TSPAN5: variants seen among roughly 807,000 people sequenced by gnomAD.
TSPAN5 encodes tetraspanin-5.
A neutral mutation model predicts 37.1 loss-of-function variants in TSPAN5; 10 were observed. That is an observed-to-expected ratio of 0.27 (90% confidence interval 0.17 to 0.46). The LOEUF is 0.46. TSPAN5 is among the 20% of genes least tolerant of loss of function. The probability of loss-of-function intolerance (pLI) is 1.00; values close to 1 mark genes in which losing one functional copy is unlikely to be tolerated. For missense variants in TSPAN5, 195 were observed against 326.6 expected (o/e 0.60, Z 3.11); for synonymous variants, 110 against 118.9 (o/e 0.93, Z 0.48).
intron 1 of TSPAN5, among the ~76,000 whole-genome samples, chr4:98,556,260 A>G (rs1338069891): frequency 6.6e-6 from 1 of 152,094 alleles, no homozygotes; most frequent in African/African-American, 2.4e-5. Context: ...AGGATGACCC[A>G]TGCTTTCCTG....
chr4:98,616,841 TACTAGATA>T (rs1307826623), intron 1 of TSPAN5, among the ~76,000 whole-genome samples: 3 of 151,408 alleles, frequency 2.0e-5, no homozygotes, highest in Admixed American at 6.6e-5. Flanking sequence ...AATTCTTGAA[TACTAGATA>T]TTGAGAAGCT....
chr4:98,479,472 A>G (rs1483288368), intron 4 of TSPAN5, among the ~76,000 whole-genome samples: 2 of 152,202 alleles, frequency 1.3e-5, no homozygotes, highest in East Asian at 1.9e-4. Flanking sequence ...ATGGACGTGC[A>G]GTCAGGGAGG....
At chr4:98,498,843 T>A (rs1753275772) in intron 2 of TSPAN5, among the ~76,000 whole-genome samples, 1 of 152,152 alleles carries the variant, frequency 6.6e-6, no homozygotes. Context: ...GCCGGCTGGC[T>A]GCTCTGGTAT....
At chr4:98,604,168 C>G (rs778558662) in intron 1 of TSPAN5, among the ~76,000 whole-genome samples, 1 of 152,034 alleles carries the variant, frequency 6.6e-6, no homozygotes, top group Non-Finnish European at 1.5e-5. Flanking sequence ...TACTGCAGCA[C>G]CCAGTAAACT....
chr4:98,472,736 AG>A (rs1752616477), intron 7 of TSPAN5, 149 bp from the exon 8 acceptor site: 1 of 646,320 alleles, frequency 1.5e-6, no homozygotes, highest in East Asian at 2.8e-5. Context: ...TGTATAATTC[AG>A]GGGCTTTTAG....
intron 1 of TSPAN5, among the ~76,000 whole-genome samples, chr4:98,617,085 A>G (rs1432457864): frequency 6.6e-6 from 1 of 152,132 alleles, no homozygotes; most frequent in Admixed American, 6.5e-5. Flanking sequence ...TGGCCTCCCA[A>G]AATACTGGGA....
chr4:98,503,663 A>G (rs1412070158), intron 2 of TSPAN5, among the ~76,000 whole-genome samples: 2 of 152,180 alleles, frequency 1.3e-5, no homozygotes, highest in African/African-American at 4.8e-5. Flanking sequence ...ATACACCCCT[A>G]AGTAGCATTT....
chr4:98,577,321 T>C (rs576874870), intron 1 of TSPAN5, among the ~76,000 whole-genome samples: 2 of 152,264 alleles, frequency 1.3e-5, no homozygotes, highest in South Asian at 4.1e-4. Flanking sequence ...ACATACTGAT[T>C]TAAAATGTTT....
intron 2 of TSPAN5, among the ~76,000 whole-genome samples, chr4:98,498,626 G>T (rs1441158525): frequency 6.6e-6 from 1 of 152,150 alleles, no homozygotes; most frequent in Non-Finnish European, 1.5e-5. Context: ...GAAAGCAGTT[G>T]CTGTGCTGTG....
intron 1 of TSPAN5, among the ~76,000 whole-genome samples, chr4:98,554,466 T>C (rs2110159521): frequency 6.6e-6 from 1 of 152,332 alleles, no homozygotes; most frequent in Admixed American, 6.5e-5. Flanking sequence ...AAATCCATAA[T>C]CTAACGCGCT....
At chr4:98,638,200 G>A (rs6837563) in intron 1 of TSPAN5, among the ~76,000 whole-genome samples, 5,653 of 152,170 alleles carry the variant, frequency 0.037, 277 homozygotes, top group East Asian at 0.23. Flanking sequence ...CTGTTGCTCC[G>A]CACGCTCAAA....
chr4:98,656,417 C>G (rs960037918), intron 1 of TSPAN5, among the ~76,000 whole-genome samples: 1 of 152,170 alleles, frequency 6.6e-6, no homozygotes, highest in East Asian at 1.9e-4. Flanking sequence ...CAAAAAGAAC[C>G]AGTCCCAGTT....
chr4:98,549,334 ACT>A (rs1446731170), intron 1 of TSPAN5, among the ~76,000 whole-genome samples: 1 of 147,052 alleles, frequency 6.8e-6, no homozygotes, highest in Admixed American at 6.7e-5. Context: ...GCAGAGTCTC[ACT>A]CTGTCACCCA....
intron 1 of TSPAN5, among the ~76,000 whole-genome samples, chr4:98,628,653 C>T (rs748003562): frequency 7.6e-4 from 115 of 152,266 alleles, no homozygotes; most frequent in Non-Finnish European, 1.2e-3. Context: ...ACCCCTTTAC[C>T]ACACTCCCCA....
intron 1 of TSPAN5, among the ~76,000 whole-genome samples, chr4:98,567,706 G>A (rs1169275614): frequency 3.9e-5 from 6 of 152,188 alleles, no homozygotes; most frequent in Admixed American, 3.9e-4. Context: ...CAAAAGGAGA[G>A]AGAGGAAACC....
chr4:98,610,697 C>T (rs950822229), intron 1 of TSPAN5, among the ~76,000 whole-genome samples: 9 of 152,182 alleles, frequency 5.9e-5, no homozygotes, highest in Non-Finnish European at 1.2e-4. Flanking sequence ...TTTAGGGCTA[C>T]AGTAGGAATA....
At chr4:98,480,153 C>T (rs1372184098) in intron 4 of TSPAN5, among the ~76,000 whole-genome samples, 1 of 152,106 alleles carries the variant, frequency 6.6e-6, no homozygotes. Flanking sequence ...AGGCTGCTGG[C>T]CAGATCCCGC....
intron 1 of TSPAN5, among the ~76,000 whole-genome samples, chr4:98,577,201 CTGTT>C (rs34941723): frequency 0.034 from 5,219 of 152,300 alleles, 130 homozygotes; most frequent in Middle Eastern, 0.075. Context: ...TCTCATATTT[CTGTT>C]AACAGAGAAG....
At chr4:98,531,832 A>C (rs1160892522) in intron 1 of TSPAN5, among the ~76,000 whole-genome samples, 1 of 151,912 alleles carries the variant, frequency 6.6e-6, no homozygotes. Flanking sequence ...GCTTTTTTTC[A>C]TATGTTTGTT....
Sources: allele counts gnomAD v4.1 joint callset (sites outside exome capture counted in the v4.1 genomes callset), GRCh38; gene constraint gnomAD v4.1.1; transcripts MANE v1.5; gene names NCBI Gene and HGNC (gene_info 2026-07-23, HGNC 2026-07-21).